The following OR3A2 variants were observed in gnomAD, a reference collection of about 807,000 sequenced individuals.
The protein encoded by OR3A2 is olfactory receptor family 3 subfamily A member 2, also known as olfactory receptor 3A2.
For missense variants in OR3A2, 318 were observed against 392.8 expected (o/e 0.81, Z 1.61); for synonymous variants, 126 against 159.3 (o/e 0.79, Z 1.57).
intron 3 of OR3A2, among the ~76,000 whole-genome samples, chr17:3,335,217 C>T (rs546732009): frequency 7.4e-4 from 113 of 152,032 alleles, no homozygotes; most frequent in Admixed American, 2.6e-3. Context: ...AAATATTAAC[C>T]TTTTCATATT....
chr17:3,369,659 C>G (rs1369392031), intron 2 of OR3A2, among the ~76,000 whole-genome samples: 1 of 152,068 alleles, frequency 6.6e-6, no homozygotes, highest in Non-Finnish European at 1.5e-5. Flanking sequence ...ATTTTTGCAT[C>G]TAAGTTCATC....
At chr17:3,285,871 CACA>C (rs1424705435), upstream of OR3A2, among the ~76,000 whole-genome samples, 1 of 152,106 alleles carries the variant, frequency 6.6e-6, no homozygotes, top group Non-Finnish European at 1.5e-5. Flanking sequence ...ATGCTAAGAA[CACA>C]ACAAGCCTGG....
chr17:3,375,138 CCTTTTTT>C (rs2049669000), intron 2 of OR3A2, among the ~76,000 whole-genome samples: 1 of 36,296 alleles, frequency 2.8e-5, no homozygotes, highest in Admixed American at 4.5e-4. Flanking sequence ...GAGCCTTCTT[CCTTTTTT>C]TTTTTTTTTT....
At chr17:3,302,217 T>C (rs1163671160) in intron 3 of OR3A2, among the ~76,000 whole-genome samples, 1 of 152,136 alleles carries the variant, frequency 6.6e-6, no homozygotes, top group East Asian at 1.9e-4. Context: ...TACCAATGAC[T>C]TTCTTCACAG....
intron 2 of OR3A2, among the ~76,000 whole-genome samples, chr17:3,337,464 C>T (rs1025763134): frequency 2.6e-5 from 4 of 152,072 alleles, no homozygotes; most frequent in African/African-American, 7.2e-5. Context: ...GTGATGTTCC[C>T]CGCCCTGTGT....
chr17:3,360,586 A>G (rs973497242), intron 2 of OR3A2, among the ~76,000 whole-genome samples: 5 of 151,690 alleles, frequency 3.3e-5, no homozygotes, highest in African/African-American at 1.2e-4. Flanking sequence ...TCTTGAATTA[A>G]TTTTCGTATA....
chr17:3,290,018 C>A (rs1182671533), intron 3 of OR3A2, among the ~76,000 whole-genome samples: 1 of 152,132 alleles, frequency 6.6e-6, no homozygotes, highest in African/African-American at 2.4e-5. Flanking sequence ...GCACTCTTTT[C>A]TTCTGTGTTT....
rs369652528 is a variant in OR3A2, at chr17:3,361,845, G to A, written c.-179+21959C>T. Among the ~76,000 whole-genome samples the A allele has an allele frequency of 4.8e-4, 73 of 151,494 alleles. 1 individual carries two copies. Among genetic ancestry groups the A allele is most frequent in the Admixed American group, 1.6e-3 (25 of 15,252 alleles). On this transcript the variant is annotated intron_variant, in intron 2 of 4. Coordinates refer to the OR3A2 transcript ENST00000573491. ...GTATTTTATTGAGGATTTTTGCATTGATGTTCATCAGGGATATTGGTCTAA... is the reference window on the plus strand; with the variant it reads ...GTATTTTATTGAGGATTTTTGCATTAATGTTCATCAGGGATATTGGTCTAA...
At chr17:3,277,851 GATC>G in exon 2 of OR3A2, 2 of 1,058,922 alleles carry the variant, frequency 1.9e-6, no homozygotes, top group Non-Finnish European at 2.8e-6. Context: ...ATGTAACACC[GATC>G]TTCAAGCATC....
At chr17:3,292,301 T>C (rs2048881563) in intron 3 of OR3A2, 13 of 1,614,110 alleles carry the variant, frequency 8.1e-6, no homozygotes, top group Non-Finnish European at 1.1e-5. Flanking sequence ...CACAGGGAAC[T>C]GCACGCTTGC....
At chr17:3,302,148 C>A (rs113416998) in intron 3 of OR3A2, among the ~76,000 whole-genome samples, 2 of 152,046 alleles carry the variant, frequency 1.3e-5, no homozygotes, top group African/African-American at 2.4e-5. Flanking sequence ...GAATCAATAG[C>A]GTGAAAATGG....
At chr17:3,347,139 A>T (rs973359281) in intron 2 of OR3A2, among the ~76,000 whole-genome samples, 9 of 152,076 alleles carry the variant, frequency 5.9e-5, no homozygotes, top group African/African-American at 2.2e-4. Flanking sequence ...TGGCTGTACT[A>T]ATTTACATTT....
intron 2 of OR3A2, among the ~76,000 whole-genome samples, chr17:3,344,152 A>G (rs192307569): frequency 3.5e-4 from 53 of 152,310 alleles, no homozygotes; most frequent in Non-Finnish European, 6.9e-4. Flanking sequence ...TTTAGGTGGC[A>G]TGTTACAAAA....
At chr17:3,384,743 T>A (rs2049764654) in intron 1 of OR3A2, among the ~76,000 whole-genome samples, 1 of 152,178 alleles carries the variant, frequency 6.6e-6, no homozygotes, top group Non-Finnish European at 1.5e-5. Flanking sequence ...ACCACCTGTT[T>A]TGCAAATAAA....
intron 3 of OR3A2, among the ~76,000 whole-genome samples, chr17:3,315,266 G>A (rs553945741): frequency 1.1e-4 from 17 of 152,330 alleles, no homozygotes; most frequent in Non-Finnish European, 1.3e-4. Flanking sequence ...TCTCCAGACT[G>A]CTTTCCACAG....
chr17:3,373,090 C>T (rs778027193), intron 2 of OR3A2, among the ~76,000 whole-genome samples: 18 of 152,056 alleles, frequency 1.2e-4, no homozygotes, highest in Admixed American at 2.6e-4. Context: ...AATTTCCATG[C>T]GTGTGTGTAG....
chr17:3,309,779 G>A (rs1442902031), intron 3 of OR3A2, among the ~76,000 whole-genome samples: 3 of 151,976 alleles, frequency 2.0e-5, no homozygotes, highest in South Asian at 2.1e-4. Context: ...TCATGGCCTC[G>A]CATGTTAATC....
chr17:3,379,265 G>A (rs1022691716), intron 2 of OR3A2, among the ~76,000 whole-genome samples: 1 of 152,192 alleles, frequency 6.6e-6, no homozygotes, highest in Non-Finnish European at 1.5e-5. Flanking sequence ...AGCCTGGGAA[G>A]TTAGGTTGGC....
At chr17:3,331,550 T>G (rs894884653) in intron 3 of OR3A2, among the ~76,000 whole-genome samples, 3 of 151,622 alleles carry the variant, frequency 2.0e-5, no homozygotes, top group Non-Finnish European at 4.4e-5. Context: ...TCTCGAGCCT[T>G]GGTTTTCAGC....
Sources: allele counts gnomAD v4.1 joint callset (sites outside exome capture counted in the v4.1 genomes callset), GRCh38; gene constraint gnomAD v4.1.1; transcripts MANE v1.5; gene names NCBI Gene and HGNC (gene_info 2026-07-23, HGNC 2026-07-21).